GRIP1: variants seen among roughly 807,000 people sequenced by gnomAD.
The protein encoded by GRIP1 is glutamate receptor interacting protein 1, also known as glutamate receptor-interacting protein 1.
GRIP1 carries 45 observed loss-of-function variants against 129.9 expected under a neutral mutation model. That is an observed-to-expected ratio of 0.35 (90% CI 0.27 to 0.44). The LOEUF (loss-of-function observed/expected upper bound fraction) is 0.44. Ranked by LOEUF, GRIP1 falls within the 20% of genes least tolerant of loss-of-function variation. The pLI, the probability that GRIP1 is intolerant of heterozygous loss-of-function variation, is 1.00. For missense variants in GRIP1, 1,196 were observed against 1,396.8 expected (o/e 0.86, Z 2.29); for synonymous variants, 530 against 520.8 (o/e 1.02, Z -0.24).
At chr12:66,965,549 T>TTGTG (rs368637185) in intron 1 of GRIP1, among the ~76,000 whole-genome samples, 13,328 of 128,074 alleles carry the variant, frequency 0.1, 815 homozygotes, top group Middle Eastern at 0.14. Flanking sequence ...AAAAGAAACA[T>TTGTG]TGTGTGTGTG....
chr12:66,859,300 CAAAAAAAAA>C (rs2040069354), intron 1 of GRIP1, among the ~76,000 whole-genome samples: 1 of 13,686 alleles, frequency 7.3e-5, no homozygotes, highest in Admixed American at 1.5e-3. Flanking sequence ...AACAAAAAAA[CAAAAAAAAA>C]CCAGTATTAG....
chr12:66,906,801 A>G (rs10878533), intron 1 of GRIP1, among the ~76,000 whole-genome samples: 39,518 of 152,160 alleles, frequency 0.26, 5,552 homozygotes, highest in East Asian at 0.45. Context: ...CTTTGTCTAT[A>G]GAAAGCTCCT....
chr12:66,559,236 T>A (rs1418815565), intron 2 of GRIP1, among the ~76,000 whole-genome samples: 2 of 151,952 alleles, frequency 1.3e-5, no homozygotes, highest in Non-Finnish European at 2.9e-5. Context: ...TCATGCTGAA[T>A]GGGGAAAAAC....
chr12:66,578,682 C>A (rs2063238674), intron 2 of GRIP1, among the ~76,000 whole-genome samples: 1 of 152,184 alleles, frequency 6.6e-6, no homozygotes, highest in Non-Finnish European at 1.5e-5. Context: ...GATCAAACTG[C>A]AAGGTGGCAG....
intron 11 of GRIP1, among the ~76,000 whole-genome samples, chr12:66,446,607 C>T (rs1420327687): frequency 6.6e-6 from 1 of 152,182 alleles, no homozygotes; most frequent in Non-Finnish European, 1.5e-5. Flanking sequence ...CATTTTCAAG[C>T]CCATAATCTA....
chr12:66,766,087 T>C (rs2037627260), intron 1 of GRIP1, among the ~76,000 whole-genome samples: 1 of 152,146 alleles, frequency 6.6e-6, no homozygotes, highest in African/African-American at 2.4e-5. Flanking sequence ...GAAAATATGC[T>C]CAGAGGAAAC....
intron 2 of GRIP1, among the ~76,000 whole-genome samples, chr12:66,556,652 CA>C (rs1307675954): frequency 7.4e-5 from 11 of 148,086 alleles, no homozygotes; most frequent in Admixed American, 1.3e-4. Flanking sequence ...AAAAAAAAAA[CA>C]ACAACAAAAT....
At chr12:66,955,781 A>G (rs886326522) in intron 1 of GRIP1, among the ~76,000 whole-genome samples, 1 of 152,204 alleles carries the variant, frequency 6.6e-6, no homozygotes, top group Non-Finnish European at 1.5e-5. Context: ...TGCTGGGATT[A>G]CAGGCGTGAG....
chr12:66,415,948 G>A (rs970267196), intron 15 of GRIP1, among the ~76,000 whole-genome samples: 3 of 152,136 alleles, frequency 2.0e-5, no homozygotes, highest in Non-Finnish European at 4.4e-5. Context: ...GAGACCATCA[G>A]GAAGAATAGC....
intron 23 of GRIP1, among the ~76,000 whole-genome samples, chr12:66,357,221 A>G (rs1017800893): frequency 1.2e-4 from 19 of 152,182 alleles, no homozygotes; most frequent in African/African-American, 4.3e-4. Flanking sequence ...CAGAATCCCA[A>G]CAAAGTCCAC....
chr12:67,059,471 C>T (rs1339107820), intron 1 of GRIP1, among the ~76,000 whole-genome samples: 1 of 152,226 alleles, frequency 6.6e-6, no homozygotes, highest in Non-Finnish European at 1.5e-5. Context: ...AAATGCCCTT[C>T]ACCCAGGGCA....
chr12:66,623,615 C>G (rs931058894), intron 1 of GRIP1, among the ~76,000 whole-genome samples: 28 of 152,170 alleles, frequency 1.8e-4, no homozygotes, highest in African/African-American at 6.8e-4. Context: ...CCCCAAGTTT[C>G]CTAACTGGGG....
rs551462869 is a variant in GRIP1 at position 66,687,699 on chromosome 12, C to T, written c.-419-57363G>A. Among the ~76,000 whole-genome samples the T allele has an allele frequency of 5.3e-5, 8 of 152,298 alleles. No individual in the cohort carries two copies. The South Asian group carries it at 1.7e-3, about 32-fold the overall frequency. On this transcript the variant is annotated intron_variant, in intron 1 of 4. Coordinates refer to the GRIP1 transcript ENST00000538373. ...TGAATTGCTCATGCTTAAACAGCATCAAGGGCTCCTTCCTCTTCAGGGAAT... is the reference window on the plus strand; with the variant it reads ...TGAATTGCTCATGCTTAAACAGCATTAAGGGCTCCTTCCTCTTCAGGGAAT...
intron 1 of GRIP1, among the ~76,000 whole-genome samples, chr12:66,663,919 G>A (rs1232768822): frequency 6.6e-6 from 1 of 152,274 alleles, no homozygotes; most frequent in East Asian, 1.9e-4. Flanking sequence ...AATCTGTGTT[G>A]AGATAAATGA....
chr12:66,712,694 G>A (rs2035749014), intron 1 of GRIP1, among the ~76,000 whole-genome samples: 1 of 151,956 alleles, frequency 6.6e-6, no homozygotes, highest in Admixed American at 6.6e-5. Flanking sequence ...GCCACTACGT[G>A]ACCTGGGGTG....
At chr12:66,863,711 T>C (rs1210387611) in intron 1 of GRIP1, among the ~76,000 whole-genome samples, 2 of 152,136 alleles carry the variant, frequency 1.3e-5, no homozygotes, top group Non-Finnish European at 1.5e-5. Context: ...GGGAATATCA[T>C]ACAGGGCAGT....
intron 7 of GRIP1, among the ~76,000 whole-genome samples, chr12:66,488,688 G>T (rs1214331386): frequency 7.4e-6 from 1 of 135,568 alleles, no homozygotes; most frequent in Non-Finnish European, 1.6e-5. Flanking sequence ...TCTAGGAGCT[G>T]CTTTTTTGAA....
intron 7 of GRIP1, among the ~76,000 whole-genome samples, chr12:66,474,993 G>A (rs1028228937): frequency 3.3e-5 from 5 of 152,172 alleles, no homozygotes; most frequent in Non-Finnish European, 5.9e-5. Flanking sequence ...AACCTTAAAT[G>A]TAAATGGGCT....
At chr12:66,698,877 T>A (rs527747433) in intron 1 of GRIP1, among the ~76,000 whole-genome samples, 2 of 152,356 alleles carry the variant, frequency 1.3e-5, no homozygotes, top group South Asian at 2.1e-4. Context: ...TCCTACTGTA[T>A]GATTGTGGGC....
Sources: allele counts gnomAD v4.1 joint callset (sites outside exome capture counted in the v4.1 genomes callset), GRCh38; gene constraint gnomAD v4.1.1; transcripts MANE v1.5; gene names NCBI Gene and HGNC (gene_info 2026-07-23, HGNC 2026-07-21).